Variants in THADA observed in about 807,000 individuals in gnomAD.
The protein encoded by THADA is THADA armadillo repeat containing.
A neutral mutation model predicts 219.8 loss-of-function variants in THADA; 213 were observed. The observed-to-expected ratio is 0.97, with a 90% confidence interval of 0.87 to 1.09. The LOEUF is 1.09. Ranked by LOEUF, THADA falls within the 50% of genes least tolerant of loss-of-function variation. The probability of loss-of-function intolerance (pLI) is 0.00; values close to 1 mark genes in which losing one functional copy is unlikely to be tolerated. For synonymous variants in THADA, 1,018 were observed against 828.9 expected (o/e 1.23, Z -3.92); for missense variants, 2,956 against 2,311.3 (o/e 1.28, Z -5.72).
intron 19 of THADA, among the ~76,000 whole-genome samples, chr2:43,549,587 C>CA (rs972128730): frequency 2.6e-5 from 4 of 151,724 alleles, no homozygotes; most frequent in Admixed American, 6.6e-5. Context: ...AATATAACAA[C>CA]AAAAAAAACT....
chr2:43,319,527 T>C (rs1229761617), intron 31 of THADA, among the ~76,000 whole-genome samples: 1 of 152,124 alleles, frequency 6.6e-6, no homozygotes, highest in Non-Finnish European at 1.5e-5. Context: ...CCGACCTCCC[T>C]CCTGCAAAGC....
At chr2:43,510,151 T>C (rs1353500197) in intron 22 of THADA, among the ~76,000 whole-genome samples, 1 of 152,220 alleles carries the variant, frequency 6.6e-6, no homozygotes, top group Admixed American at 6.5e-5. Flanking sequence ...CACTGCACTG[T>C]GAACATGGAA....
At chr2:43,312,932 G>A (rs1379259928) in intron 31 of THADA, among the ~76,000 whole-genome samples, 1 of 152,098 alleles carries the variant, frequency 6.6e-6, no homozygotes, top group Non-Finnish European at 1.5e-5. Flanking sequence ...TTTTCAATTT[G>A]TTAAAATGGA....
At chr2:43,383,606 C>T (rs1672289769) in intron 29 of THADA, among the ~76,000 whole-genome samples, 1 of 152,158 alleles carries the variant, frequency 6.6e-6, no homozygotes, top group Admixed American at 6.5e-5. Context: ...ACATAATGAA[C>T]ATAGGAGTTT....
At chr2:43,354,865 T>C (rs1374936131) in intron 29 of THADA, among the ~76,000 whole-genome samples, 1 of 152,158 alleles carries the variant, frequency 6.6e-6, no homozygotes, top group Admixed American at 6.5e-5. Context: ...GTTATCCTCA[T>C]GCTGTTCTCA....
intron 30 of THADA, among the ~76,000 whole-genome samples, chr2:43,328,367 T>C (rs4340576): frequency 0.79 from 120,068 of 152,138 alleles, 48,538 homozygotes; most frequent in African/African-American, 0.89. Context: ...GACGGCAGAG[T>C]TGCATTTTTA....
intron 29 of THADA, among the ~76,000 whole-genome samples, chr2:43,390,306 T>C (rs192438235): frequency 4.6e-5 from 7 of 152,348 alleles, no homozygotes; most frequent in African/African-American, 1.4e-4. Flanking sequence ...GCATCCTTCC[T>C]GGCCTTGTTT....
chr2:43,555,198 C>T (rs1177618933), intron 17 of THADA, among the ~76,000 whole-genome samples: 1 of 151,016 alleles, frequency 6.6e-6, no homozygotes, highest in Non-Finnish European at 1.5e-5. Context: ...TCATGTAAAA[C>T]TGAATAATAT....
chr2:43,558,694 A>G (rs1697691454), intron 16 of THADA, among the ~76,000 whole-genome samples: 1 of 152,162 alleles, frequency 6.6e-6, no homozygotes, highest in African/African-American at 2.4e-5. Flanking sequence ...GCAGAGGGCT[A>G]TTGTGGGGCC....
At chr2:43,242,971 C>A (rs1343167271) in intron 36 of THADA, among the ~76,000 whole-genome samples, 1 of 152,230 alleles carries the variant, frequency 6.6e-6, no homozygotes, top group African/African-American at 2.4e-5. Context: ...TGCCACCGGG[C>A]TTCTAGCTGA....
chr2:43,485,549 C>T (rs1406374772), intron 25 of THADA, among the ~76,000 whole-genome samples: 1 of 152,130 alleles, frequency 6.6e-6, no homozygotes, highest in East Asian at 1.9e-4. Context: ...ACAACACAGC[C>T]TTTTCCTATA....
At chr2:43,419,475 G>C (rs1677425065) in intron 28 of THADA, among the ~76,000 whole-genome samples, 2 of 152,246 alleles carry the variant, frequency 1.3e-5, no homozygotes, top group South Asian at 2.1e-4. Context: ...ACCCATTCCA[G>C]TCAGAGAAAG....
intron 26 of THADA, among the ~76,000 whole-genome samples, chr2:43,463,805 A>G (rs1258255153): frequency 6.6e-6 from 1 of 152,202 alleles, no homozygotes; most frequent in African/African-American, 2.4e-5. Flanking sequence ...CTTTCTTCCA[A>G]TAACTAAAGT....
At chr2:43,286,868 G>C (rs781359020) in intron 35 of THADA, 40 bp downstream of exon 35, 4 of 1,582,936 alleles carry the variant, frequency 2.5e-6, no homozygotes, top group Middle Eastern at 1.7e-4. Context: ...CATATTTTAA[G>C]TGAGTTTGGT....
chr2:43,302,623 G>A (rs1676397156), intron 31 of THADA, among the ~76,000 whole-genome samples: 1 of 151,944 alleles, frequency 6.6e-6, no homozygotes, highest in Non-Finnish European at 1.5e-5. Flanking sequence ...GGTGTAAGTT[G>A]CCAGCTTTTT....
intron 29 of THADA, among the ~76,000 whole-genome samples, chr2:43,382,089 A>C (rs1203303561): frequency 1.3e-5 from 2 of 152,182 alleles, no homozygotes; most frequent in Non-Finnish European, 2.9e-5. Flanking sequence ...ACCATCAAAA[A>C]CATGAAAAAA....
At chr2:43,253,576 A>C (rs935486906) in intron 36 of THADA, among the ~76,000 whole-genome samples, 4 of 152,066 alleles carry the variant, frequency 2.6e-5, no homozygotes, top group Non-Finnish European at 5.9e-5. Context: ...GTTTCATGAC[A>C]ATGGAACCTC....
rs755001688 is a variant in THADA, at chr2:43,578,550, T to G, written c.779A>C (p.Lys260Thr). Reference sequence around the variant, plus strand: ...CTTTTCAGACGGGTGAAACATAGTCTTAATAAAAAGAATAATAGCTAATCC... The same window carrying G: ...CTTTTCAGACGGGTGAAACATAGTCGTAATAAAAAGAATAATAGCTAATCC... ...TSGLAIILFI[K>T]TMFHPSEKIP... is the part of the protein sequence containing the mutation. The change falls in exon 9 of 38, where the codon AAG (lysine) becomes ACG (threonine). Residue 260 changes from lysine (K) to threonine (T), a missense_variant. Lys to Thr is a moderately conservative substitution (Grantham distance 78). Coordinates refer to ENST00000405975, the MANE Select transcript of THADA (RefSeq NM_022065.5). 6.2e-7 allele frequency: 1 copy of G among 1,612,914 alleles called. No homozygotes were observed. The highest frequency in any genetic ancestry group is 8.5e-7 in the Non-Finnish European group (1 of 1,179,200).
chr2:43,400,938 A>G (rs1253368356), intron 28 of THADA, among the ~76,000 whole-genome samples: 1 of 152,166 alleles, frequency 6.6e-6, no homozygotes, highest in Admixed American at 6.5e-5. Flanking sequence ...TTTTTTGGCC[A>G]CTATTAAAAG....
Sources: allele counts gnomAD v4.1 joint callset (sites outside exome capture counted in the v4.1 genomes callset), GRCh38; gene constraint gnomAD v4.1.1; transcripts MANE v1.5; gene names NCBI Gene and HGNC (gene_info 2026-07-23, HGNC 2026-07-21).